Variants in PCDHA8 observed in about 807,000 individuals in gnomAD.
PCDHA8 encodes the protein protocadherin alpha 8, also known as protocadherin alpha-8.
In PCDHA8, 53 loss-of-function variants were observed where a neutral mutation model predicts 61.8. That is an observed-to-expected ratio of 0.86 (90% CI 0.69 to 1.08). The LOEUF is 1.08. Among genes scored for constraint, PCDHA8 ranks in the 50% least tolerant of loss-of-function variants. The probability of loss-of-function intolerance (pLI) is 0.00; values close to 1 mark genes in which losing one functional copy is unlikely to be tolerated. For missense variants in PCDHA8, 1,293 were observed against 1,245.0 expected (o/e 1.04, Z -0.58); for synonymous variants, 618 against 556.6 (o/e 1.11, Z -1.55).
intron 1 of PCDHA8, chr5:140,876,023 C>CA: frequency 1.9e-6 from 3 of 1,612,330 alleles, no homozygotes; most frequent in Non-Finnish European, 2.5e-6. Context: ...AAAATAAAAA[C>CA]AAAAAAAGAT....
At position 141,010,354 on chromosome 5, in the gene PCDHA8, C is replaced by A. The variant is rs1359778786; in HGVS notation, c.*417C>A. On this transcript the variant is annotated 3_prime_UTR_variant, in exon 4 of 4. Coordinates refer to ENST00000531613, the MANE Select transcript of PCDHA8 (RefSeq NM_018911.3). ...GTTTGTGGCCACTGGGTATGTGTGG[C>A]TACCGCGGGTATGCGAGTGCCAGAT... The A allele has an allele frequency of 2.0e-6, 3 of 1,506,078 alleles. No homozygotes were observed. The highest frequency in any genetic ancestry group is 4.4e-5 in the Admixed American group (2 of 45,166). 93.3% of individuals were successfully genotyped at this position (1,506,078 alleles called of 1,614,324 possible).
intron 1 of PCDHA8, chr5:140,854,285 T>C (rs888416864): frequency 1.9e-6 from 1 of 521,658 alleles, no homozygotes; most frequent in Admixed American, 6.5e-5. Flanking sequence ...GAGTTTAGTT[T>C]TTATTATTTT....
At chr5:140,998,943 G>T (rs1366415632) in intron 3 of PCDHA8, among the ~76,000 whole-genome samples, 2 of 152,212 alleles carry the variant, frequency 1.3e-5, no homozygotes, top group African/African-American at 2.4e-5. Flanking sequence ...TGAAGAAACT[G>T]TAAGTCAATG....
At chr5:140,856,282 G>T (rs1554148485) in intron 1 of PCDHA8, 1 of 1,598,456 alleles carries the variant, frequency 6.3e-7, no homozygotes, top group African/African-American at 1.3e-5. Context: ...AGGTAAATCT[G>T]CAGAATGGCA....
At chr5:140,997,062 G>T (rs1159348962) in intron 3 of PCDHA8, among the ~76,000 whole-genome samples, 2 of 151,910 alleles carry the variant, frequency 1.3e-5, no homozygotes, top group African/African-American at 4.8e-5. Flanking sequence ...GCAGTTTTAG[G>T]TTCACAGGAA....
At chr5:140,966,030 A>C (rs1554227994) in intron 1 of PCDHA8, among the ~76,000 whole-genome samples, 4 of 152,164 alleles carry the variant, frequency 2.6e-5, no homozygotes, top group Admixed American at 6.5e-5. Context: ...AGTCAGGTGA[A>C]TAGTTCCCAT....
chr5:140,890,439 A>G (rs114755692), intron 1 of PCDHA8, among the ~76,000 whole-genome samples: 1 of 152,210 alleles, frequency 6.6e-6, no homozygotes, highest in Non-Finnish European at 1.5e-5. Context: ...TACAATACCT[A>G]GTGATATCTT....
chr5:140,946,277 A>G (rs1055326524), intron 1 of PCDHA8, among the ~76,000 whole-genome samples: 5 of 152,186 alleles, frequency 3.3e-5, no homozygotes, highest in Admixed American at 1.3e-4. Context: ...TAAAACCCCA[A>G]TGAGATATCA....
intron 1 of PCDHA8, among the ~76,000 whole-genome samples, chr5:140,900,446 T>C (rs1344652526): frequency 6.6e-6 from 1 of 152,154 alleles, no homozygotes; most frequent in African/African-American, 2.4e-5. Context: ...GCCGGCTAAT[T>C]TTTTATTTTT....
At chr5:141,006,058 G>T (rs1002161598) in intron 3 of PCDHA8, among the ~76,000 whole-genome samples, 2 of 149,786 alleles carry the variant, frequency 1.3e-5, no homozygotes, top group Non-Finnish European at 3.0e-5. Flanking sequence ...GAGTGGAGAA[G>T]AAATAAAAAT....
chr5:140,920,116 C>A (rs376109883), intron 1 of PCDHA8, among the ~76,000 whole-genome samples: 72 of 152,304 alleles, frequency 4.7e-4, no homozygotes, highest in African/African-American at 1.6e-3. Context: ...ACCTTGCCAA[C>A]ATCTTGAGTT....
intron 1 of PCDHA8, chr5:140,869,477 A>C: frequency 6.2e-7 from 1 of 1,614,208 alleles, no homozygotes; most frequent in South Asian, 1.1e-5. Context: ...GAGGTGAAGG[A>C]CATTAACGAC....
Position 140,928,140 on chromosome 5 carries a change from G to GGCC in PCDHA8, c.2395-50808_2395-50806dup. 3 of 1,614,154 alleles carry GGCC rather than the reference G, an allele frequency of 1.9e-6. No homozygotes were observed. The South Asian group carries it at 3.3e-5, about 18-fold the overall frequency. On this transcript the variant is annotated intron_variant, in intron 1 of 3. Transcript: ENST00000531613. ...TCAGTGAATACCAAGTCCTGATCAC[G>GGCC]GCCTCAGATAGTGGCTCACCCCCAC...
At chr5:140,993,123 C>G (rs925185301) in intron 3 of PCDHA8, among the ~76,000 whole-genome samples, 1 of 152,180 alleles carries the variant, frequency 6.6e-6, no homozygotes, top group African/African-American at 2.4e-5. Context: ...ACATCAATTT[C>G]CTTCTGTTGC....
At chr5:140,921,301 C>T (rs1227923324) in intron 1 of PCDHA8, among the ~76,000 whole-genome samples, 1 of 151,954 alleles carries the variant, frequency 6.6e-6, no homozygotes. Flanking sequence ...TTGCTGAATG[C>T]CATTGTATTA....
intron 1 of PCDHA8, among the ~76,000 whole-genome samples, chr5:140,976,181 A>G (rs1334452758): frequency 6.6e-6 from 1 of 152,208 alleles, no homozygotes; most frequent in Non-Finnish European, 1.5e-5. Flanking sequence ...ATTGTTTTAA[A>G]TCAATATCCT....
At chr5:140,975,610 C>T (rs1412581927) in intron 1 of PCDHA8, among the ~76,000 whole-genome samples, 5 of 152,160 alleles carry the variant, frequency 3.3e-5, no homozygotes, top group Non-Finnish European at 7.4e-5. Flanking sequence ...TGATGTCTTC[C>T]ACATGGATTT....
Position 140,883,273 on chromosome 5 carries a change from C to A in PCDHA8, c.2394+39558C>A, listed in dbSNP as rs370482487. Reference sequence around the variant, plus strand: ...ATATTCCAATGGCGGGTCATTGTACCCTTTTGGTGGAAGTACTAGATGTAA... The same window carrying A: ...ATATTCCAATGGCGGGTCATTGTACACTTTTGGTGGAAGTACTAGATGTAA... On this transcript the variant is annotated intron_variant, in intron 1 of 3. Transcript: ENST00000531613. 10 of 1,613,676 alleles carry A rather than the reference C, an allele frequency of 6.2e-6. No homozygotes were observed. The Middle Eastern group carries it at 6.6e-4, about 106-fold the overall frequency.
intron 3 of PCDHA8, among the ~76,000 whole-genome samples, chr5:140,993,762 A>G (rs1019928055): frequency 2.6e-5 from 4 of 152,204 alleles, no homozygotes; most frequent in Non-Finnish European, 4.4e-5. Flanking sequence ...TTATATTACA[A>G]TTGCGCAGTA....
Sources: gnomAD v4.1 joint callset for allele counts (sites outside exome capture counted in the v4.1 genomes callset) on GRCh38, gnomAD v4.1.1 for gene constraint, MANE v1.5 for transcripts, NCBI Gene and HGNC (gene_info 2026-07-23, HGNC 2026-07-21) for gene names.